RARB: variants seen among roughly 807,000 people sequenced by gnomAD.
RARB encodes retinoic acid receptor beta.
A neutral mutation model predicts 51.9 loss-of-function variants in RARB; 17 were observed. The observed-to-expected ratio is 0.33, with a 90% CI of 0.22 to 0.49. The LOEUF is 0.49. RARB is among the 20% of genes least tolerant of loss of function. The pLI, the probability that RARB is intolerant of heterozygous loss-of-function variation, is 0.99. For missense variants in RARB, 369 were observed against 550.8 expected, an observed-to-expected ratio of 0.67 and a Z score of 3.30; for synonymous variants, 215 against 195.4, an observed-to-expected ratio of 1.10 and a Z score of -0.84.
In RARB at chr3:24,909,934, C is replaced by T. The variant is rs146745975; in HGVS notation, c.-380+51182C>T. On this transcript the variant is annotated intron_variant, in intron 2 of 11. Transcript: ENST00000383772. ...GTATTTATTCTCCACAGTAAAGTGT[C>T]GAATTTCTATATATTTTTTCCCAAA... Among the ~76,000 whole-genome samples, 675 of 152,162 alleles carry T rather than the reference C, an allele frequency of 4.4e-3. 4 individuals carry two copies. Among genetic ancestry groups the T allele is most frequent in the South Asian group, 6.9e-3 (33 of 4,808 alleles).
intron 2 of RARB, among the ~76,000 whole-genome samples, chr3:25,499,029 C>T (rs1280838094): frequency 6.6e-6 from 1 of 152,130 alleles, no homozygotes; most frequent in African/African-American, 2.4e-5. Context: ...ATGTGTGTGT[C>T]TGGGATATGT....
At chr3:25,153,118 C>T (rs1300897162) in intron 4 of RARB, among the ~76,000 whole-genome samples, 5 of 148,194 alleles carry the variant, frequency 3.4e-5, no homozygotes, top group South Asian at 2.2e-4. Context: ...TCCAAACCAA[C>T]CAAGTAATAG....
intron 5 of RARB, among the ~76,000 whole-genome samples, chr3:25,177,669 C>G (rs533904629): frequency 6.6e-6 from 1 of 152,288 alleles, no homozygotes; most frequent in South Asian, 2.1e-4. Context: ...GCTTGTCACT[C>G]TTCTCTCATT....
In RARB at chr3:24,876,645, G is replaced by A. The variant is rs576323551; in HGVS notation, c.-380+17893G>A. Among the ~76,000 whole-genome samples, 7 of 152,134 alleles carry A rather than the reference G, an allele frequency of 4.6e-5. No homozygotes were observed. The South Asian group carries it at 1.0e-3, about 23-fold the overall frequency. On this transcript the variant is annotated intron_variant, in intron 2 of 11. Coordinates refer to the RARB transcript ENST00000383772. ...ACATCTTATTTCTCAATCTCAAGTAGTATAAACCAGTCTGTCTTCTAATGC... is the reference window on the plus strand; with the variant it reads ...ACATCTTATTTCTCAATCTCAAGTAATATAAACCAGTCTGTCTTCTAATGC...
chr3:24,830,159 C>T (rs1702260541), intron 1 of RARB, among the ~76,000 whole-genome samples: 1 of 151,994 alleles, frequency 6.6e-6, no homozygotes, highest in Non-Finnish European at 1.5e-5. Context: ...GGGGTTCTTG[C>T]TGTGTGCGCG....
At chr3:24,900,900 A>C (rs1703590857) in intron 2 of RARB, among the ~76,000 whole-genome samples, 1 of 152,196 alleles carries the variant, frequency 6.6e-6, no homozygotes, top group African/African-American at 2.4e-5. Context: ...TTTTAAAAAT[A>C]ACAATTCATT....
chr3:25,437,209 A>C (rs1708472981), intron 1 of RARB, among the ~76,000 whole-genome samples: 2 of 150,776 alleles, frequency 1.3e-5, no homozygotes, highest in African/African-American at 4.9e-5. Context: ...CCTAGGTGGC[A>C]GTCCTTTCTG....
chr3:24,889,094 G>A (rs1265457962), intron 2 of RARB, among the ~76,000 whole-genome samples: 5 of 152,222 alleles, frequency 3.3e-5, no homozygotes, highest in African/African-American at 1.2e-4. Flanking sequence ...ACTGTCCCCT[G>A]TGAGGACTCA....
chr3:24,866,849 G>A (rs1487206680), intron 2 of RARB, among the ~76,000 whole-genome samples: 2 of 152,074 alleles, frequency 1.3e-5, no homozygotes, highest in Non-Finnish European at 2.9e-5. Context: ...GCCTCCCCAA[G>A]GATTTGGAAG....
chr3:25,244,997 G>A (rs1160243721), intron 5 of RARB, among the ~76,000 whole-genome samples: 1 of 152,140 alleles, frequency 6.6e-6, no homozygotes, highest in Non-Finnish European at 1.5e-5. Context: ...TCCCGTATTG[G>A]GTGCATATAT....
At chr3:25,259,101 T>C (rs571990936) in intron 5 of RARB, 23 of 983,408 alleles carry the variant, frequency 2.3e-5, no homozygotes, top group African/African-American at 3.5e-5. Context: ...AAGAACTGTC[T>C]CATTCAAAAT....
In RARB at chr3:25,482,517, C is replaced by T. The variant is rs1489386140; in HGVS notation, c.307-18665C>T. Among the ~76,000 whole-genome samples the T allele has an allele frequency of 3.8e-5, 5 of 132,460 alleles. No individual in the cohort carries two copies. The South Asian group carries it at 1.1e-3, about 30-fold the overall frequency. 86.9% of individuals were successfully genotyped at this position (132,460 alleles called of 152,430 possible). On this transcript the variant is annotated intron_variant, in intron 2 of 7. Transcript: ENST00000330688. ...CATGTAACTTTAAATTTTCTAGCAG[C>T]CAAATTTTTTTTTTTTTTTTTTTTT...
intron 5 of RARB, among the ~76,000 whole-genome samples, chr3:25,296,719 C>T (rs568338604): frequency 1.6e-3 from 243 of 152,280 alleles, no homozygotes; most frequent in Non-Finnish European, 2.4e-3. Flanking sequence ...TAATTCAGTT[C>T]TCAGAATGGA....
intron 2 of RARB, among the ~76,000 whole-genome samples, chr3:25,040,605 T>C (rs1043839691): frequency 6.6e-6 from 1 of 151,940 alleles, no homozygotes; most frequent in Non-Finnish European, 1.5e-5. Flanking sequence ...TGGTGGTGCA[T>C]GCCTATTGTC....
chr3:25,098,229 G>A (rs910964730), intron 3 of RARB, among the ~76,000 whole-genome samples: 2 of 152,054 alleles, frequency 1.3e-5, no homozygotes, highest in African/African-American at 4.8e-5. Context: ...GGCAGGCAGT[G>A]GAAAGGAGAG....
chr3:25,141,991 T>G (rs967006023), intron 4 of RARB, among the ~76,000 whole-genome samples: 3 of 152,222 alleles, frequency 2.0e-5, no homozygotes, highest in Non-Finnish European at 4.4e-5. Context: ...ATTCCAAGTG[T>G]AGTCCTAGGA....
At chr3:25,346,014 C>A (rs529306824) in intron 5 of RARB, 1 of 396,604 alleles carries the variant, frequency 2.5e-6, no homozygotes, top group South Asian at 1.1e-4. Flanking sequence ...ACCCGGGCTG[C>A]GGTTGACTGA....
intron 4 of RARB, among the ~76,000 whole-genome samples, chr3:25,577,250 G>A (rs145468667): frequency 8.5e-5 from 13 of 152,312 alleles, no homozygotes; most frequent in South Asian, 2.1e-4. Flanking sequence ...GTGGGCCTTC[G>A]CTTCCTCATC....
chr3:25,360,212 C>A (rs891175142), intron 5 of RARB, among the ~76,000 whole-genome samples: 2 of 152,140 alleles, frequency 1.3e-5, no homozygotes, highest in Non-Finnish European at 2.9e-5. Flanking sequence ...TTGTGTTGAT[C>A]CCTTTACCAT....
Sources: gnomAD v4.1 joint callset for allele counts (sites outside exome capture counted in the v4.1 genomes callset) on GRCh38, gnomAD v4.1.1 for gene constraint, MANE v1.5 for transcripts, NCBI Gene and HGNC (gene_info 2026-07-23, HGNC 2026-07-21) for gene names.